The following PCYT1A variants were observed in gnomAD, a reference collection of about 807,000 sequenced individuals.
The protein encoded by PCYT1A is choline-phosphate cytidylyltransferase A.
A neutral mutation model predicts 43.7 loss-of-function variants in PCYT1A; 25 were observed. The ratio of observed to expected loss-of-function variants is 0.57; its 90% CI spans 0.42 to 0.80. The LOEUF (loss-of-function observed/expected upper bound fraction) is 0.80. Ranked by LOEUF, PCYT1A falls within the 30% of genes least tolerant of loss-of-function variation. The probability of loss-of-function intolerance (pLI) is 0.00; values close to 1 mark genes in which losing one functional copy is unlikely to be tolerated. For synonymous variants in PCYT1A, 172 were observed against 170.7 expected (o/e 1.01, Z -0.06); for missense variants, 421 against 474.2 (o/e 0.89, Z 1.04).
intron 1 of PCYT1A, among the ~76,000 whole-genome samples, chr3:196,281,610 T>C (rs2108783357): frequency 6.6e-6 from 1 of 152,324 alleles, no homozygotes; most frequent in East Asian, 1.9e-4. Context: ...ATTTACAATC[T>C]GGCCCGTTAC....
In PCYT1A at chr3:196,247,310, T is replaced by C. The variant is rs2280525; in HGVS notation, c.486+57A>G. The C allele has an allele frequency of 0.14, 225,170 of 1,582,484 alleles. 16,838 individuals are homozygous for C. Among genetic ancestry groups the C allele is most frequent in the South Asian group, 0.2 (17,915 of 89,500 alleles). On this transcript the variant is annotated intron_variant, in intron 5 of 8. Coordinates refer to ENST00000431016, the MANE Select transcript of PCYT1A (RefSeq NM_001312673.2). This position sits in a 1 kb window ranked among gnomAD's most constrained non-coding sequence, Gnocchi z 4.8. ...GAAAACCAGCCTACGTGCCAGCAGC[T>C]TTGAGAGTTGAGGGGATTCTGAAAC...
chr3:196,249,507 A>T (rs1397649503), intron 3 of PCYT1A, among the ~76,000 whole-genome samples: 1 of 152,122 alleles, frequency 6.6e-6, no homozygotes, highest in Non-Finnish European at 1.5e-5. Flanking sequence ...CAAACTTTTC[A>T]GGCACAACAA....
At chr3:196,246,301 C>A (rs945951825) in intron 5 of PCYT1A, among the ~76,000 whole-genome samples, 1 of 152,192 alleles carries the variant, frequency 6.6e-6, no homozygotes, top group African/African-American at 2.4e-5. Flanking sequence ...CTGTAGAGAA[C>A]TGACAACATG....
chr3:196,245,492 G>A (rs917018538), intron 5 of PCYT1A, among the ~76,000 whole-genome samples: 4 of 152,106 alleles, frequency 2.6e-5, no homozygotes, highest in Non-Finnish European at 5.9e-5. Flanking sequence ...GAATGATACT[G>A]GGGATCAATA....
intron 1 of PCYT1A, among the ~76,000 whole-genome samples, chr3:196,280,742 C>T (rs1725747691): frequency 6.6e-6 from 1 of 151,824 alleles, no homozygotes; most frequent in Non-Finnish European, 1.5e-5. Flanking sequence ...ACAGGAATAA[C>T]TAATAATAAA....
At chr3:196,263,924 G>A (rs1401696611) in intron 2 of PCYT1A, among the ~76,000 whole-genome samples, 2 of 152,122 alleles carry the variant, frequency 1.3e-5, no homozygotes, top group African/African-American at 2.4e-5. Context: ...GAGCCACTGC[G>A]CCCAGCCAGG....
At chr3:196,244,797 C>A (rs1205655911) in intron 5 of PCYT1A, among the ~76,000 whole-genome samples, 1 of 152,154 alleles carries the variant, frequency 6.6e-6, no homozygotes. Context: ...TTACCCCCAA[C>A]CCTGTGCTCT....
intron 1 of PCYT1A, 79 bp from the exon 2 acceptor site, chr3:196,270,620 C>T (rs1725403429): frequency 1.1e-5 from 10 of 887,066 alleles, no homozygotes; most frequent in Non-Finnish European, 1.7e-5. Flanking sequence ...GAGACGTTGA[C>T]GTGGATACAC....
At position 196,273,038 on chromosome 3, in the gene PCYT1A, T is replaced by C. The variant is rs1296703013; in HGVS notation, c.-10-2497A>G. ...GGTGCACAGGCGAGCCAGCACAGGGTCCGGCCACTGCGCACAGCCAGGCAC... is the reference window on the plus strand; with the variant it reads ...GGTGCACAGGCGAGCCAGCACAGGGCCCGGCCACTGCGCACAGCCAGGCAC... On this transcript the variant is annotated intron_variant, in intron 1 of 8. Coordinates refer to ENST00000431016, the MANE Select transcript of PCYT1A (RefSeq NM_001312673.2). The surrounding 1 kb of genome is among the most constrained non-coding windows in gnomAD (Gnocchi z 4.1). Among the ~76,000 whole-genome samples, 1 of 152,100 alleles carries C rather than the reference T, an allele frequency of 6.6e-6. No homozygotes were observed. The highest frequency in any genetic ancestry group is 1.9e-4 in the East Asian group (1 of 5,174).
intron 3 of PCYT1A, among the ~76,000 whole-genome samples, chr3:196,255,264 A>C (rs981687396): frequency 5.3e-5 from 8 of 152,174 alleles, no homozygotes; most frequent in African/African-American, 1.7e-4. Context: ...CCAAAAATAC[A>C]ATTATTTTGC....
At chr3:196,261,452 C>T (rs577909062) in intron 2 of PCYT1A, among the ~76,000 whole-genome samples, 30 of 152,044 alleles carry the variant, frequency 2.0e-4, no homozygotes, top group African/African-American at 6.8e-4. Context: ...GTCAGGAGTT[C>T]GAGACCATCC....
intron 1 of PCYT1A, among the ~76,000 whole-genome samples, chr3:196,271,369 G>C (rs1475617061): frequency 6.6e-6 from 1 of 152,120 alleles, no homozygotes; most frequent in Non-Finnish European, 1.5e-5. Context: ...CTTCACCAGA[G>C]TTACTTGCAT....
intron 5 of PCYT1A, among the ~76,000 whole-genome samples, chr3:196,243,776 T>C (rs1475152300): frequency 6.6e-6 from 1 of 152,264 alleles, no homozygotes; most frequent in Non-Finnish European, 1.5e-5. Flanking sequence ...CCGCGAGTGA[T>C]CCGCCAGCCT....
At chr3:196,267,676 C>G (rs1295574563) in intron 2 of PCYT1A, among the ~76,000 whole-genome samples, 1 of 151,442 alleles carries the variant, frequency 6.6e-6, no homozygotes. Context: ...ATGATCACAC[C>G]ACTGCACTGC....
rs1483514729 is a variant in PCYT1A, at chr3:196,236,114, GCAC to G, written c.*2571_*2573del. 3.9e-5 allele frequency: 6 copies of G among 152,236 alleles called. No individual in the cohort carries two copies. Among genetic ancestry groups the G allele is most frequent in the Non-Finnish European group, 8.8e-5 (6 of 68,062 alleles). 9.4% of individuals were successfully genotyped at this position (152,236 alleles called of 1,614,324 possible). On this transcript the variant is annotated 3_prime_UTR_variant, in exon 9 of 9. Transcript: ENST00000431016. Reference sequence around the variant, plus strand: ...TGTCAGCCTGCAGGTCCCGTTCCAAGCACAGGGCATGCCAAGAGCAGCCCACTG... The same window carrying G: ...TGTCAGCCTGCAGGTCCCGTTCCAAGAGGGCATGCCAAGAGCAGCCCACTG...
chr3:196,278,605 C>A (rs556402850), intron 1 of PCYT1A, among the ~76,000 whole-genome samples: 2 of 152,264 alleles, frequency 1.3e-5, no homozygotes, highest in Admixed American at 1.3e-4. Context: ...AATAGAGAAC[C>A]TCCCTCAAGA....
At chr3:196,283,157 A>G (rs150652063) in intron 1 of PCYT1A, among the ~76,000 whole-genome samples, 2 of 152,218 alleles carry the variant, frequency 1.3e-5, no homozygotes, top group Middle Eastern at 3.4e-3. Context: ...GGCCCACATG[A>G]TGAAACCCCG....
chr3:196,281,457 CCA>C (rs1198850111), intron 1 of PCYT1A, among the ~76,000 whole-genome samples: 3 of 152,152 alleles, frequency 2.0e-5, no homozygotes, highest in Non-Finnish European at 4.4e-5. Context: ...CAAAGATGGC[CCA>C]CTACCTGTTT....
At chr3:196,257,940 G>A in intron 2 of PCYT1A, 53 bp from the exon 3 acceptor site, 2 of 964,992 alleles carry the variant, frequency 2.1e-6, no homozygotes, top group Non-Finnish European at 1.6e-6. Context: ...GGCATACACT[G>A]TAATACTAAA....
Sources: allele counts gnomAD v4.1 joint callset (sites outside exome capture counted in the v4.1 genomes callset), GRCh38; gene constraint gnomAD v4.1.1; non-coding constraint Gnocchi (gnomAD v3.1); transcripts MANE v1.5; gene names NCBI Gene and HGNC (gene_info 2026-07-23, HGNC 2026-07-21).